The following TSPAN18 variants were observed in gnomAD, a reference collection of about 807,000 sequenced individuals.
The protein encoded by TSPAN18 is tetraspanin 18.
Under a neutral mutation model 27.3 loss-of-function variants are expected in TSPAN18, and 14 were observed. That is an observed-to-expected ratio of 0.51 (90% CI 0.34 to 0.80). TSPAN18 has a LOEUF of 0.80. Among genes scored for constraint, TSPAN18 ranks in the 30% least tolerant of loss-of-function variants. The probability of loss-of-function intolerance (pLI) is 0.01; values close to 1 mark genes in which losing one functional copy is unlikely to be tolerated. For synonymous variants in TSPAN18, 143 were observed against 136.5 expected, an observed-to-expected ratio of 1.05 and a Z score of -0.33; for missense variants, 268 against 323.9, an observed-to-expected ratio of 0.83 and a Z score of 1.32.
intron 2 of TSPAN18, among the ~76,000 whole-genome samples, chr11:44,856,142 T>C (rs1308326523): frequency 6.6e-6 from 1 of 152,106 alleles, no homozygotes; most frequent in Non-Finnish European, 1.5e-5. Flanking sequence ...CTCAGCCTCC[T>C]AAACTACTGG....
In TSPAN18 at chr11:44,931,154, AC is replaced by A; in HGVS notation, c.*1980del. 2.9e-6 allele frequency: 1 copy of A among 350,508 alleles called. No homozygotes were observed. The highest frequency in any genetic ancestry group is 7.7e-5 in the East Asian group (1 of 13,052). The allele number at this position is 350,508 out of a possible 1,614,324, so 21.7% of individuals were successfully genotyped here. ...CGCCCTTTAACAGCTTGCTCTGGCA[AC>A]CCCATAAATGACACCTGAGGTCCGT... On this transcript the variant is annotated 3_prime_UTR_variant, in exon 10 of 10. Coordinates refer to ENST00000520358, the MANE Select transcript of TSPAN18 (RefSeq NM_130783.5).
At chr11:44,922,741 A>G (rs535894313) in intron 8 of TSPAN18, among the ~76,000 whole-genome samples, 2 of 152,326 alleles carry the variant, frequency 1.3e-5, no homozygotes, top group African/African-American at 4.8e-5. Flanking sequence ...GAGGAGGGGC[A>G]GGAGGAGGTG....
chr11:44,893,450 G>A (rs1344189091), intron 3 of TSPAN18, among the ~76,000 whole-genome samples: 1 of 152,206 alleles, frequency 6.6e-6, no homozygotes, highest in African/African-American at 2.4e-5. Flanking sequence ...AGGATCTCAG[G>A]CCAATTGCTT....
At chr11:44,871,942 G>A in intron 3 of TSPAN18, among the ~76,000 whole-genome samples, 1 of 151,026 alleles carries the variant, frequency 6.6e-6, no homozygotes, top group African/African-American at 2.4e-5. Context: ...CTTTTTTTTT[G>A]AGACAGAGTC....
chr11:44,919,543 T>C, intron 7 of TSPAN18: 1 of 610,970 alleles, frequency 1.6e-6, no homozygotes, highest in Non-Finnish European at 2.9e-6. Context: ...CAATGGTCAT[T>C]ATGATGATGA....
At chr11:44,753,675 T>C (rs1565134270) in intron 1 of TSPAN18, among the ~76,000 whole-genome samples, 1 of 152,238 alleles carries the variant, frequency 6.6e-6, no homozygotes, top group East Asian at 1.9e-4. Flanking sequence ...GCATCTATTA[T>C]GTGAGCACAT....
intron 2 of TSPAN18, among the ~76,000 whole-genome samples, chr11:44,839,174 G>A (rs1857319582): frequency 6.6e-6 from 1 of 152,206 alleles, no homozygotes; most frequent in African/African-American, 2.4e-5. Flanking sequence ...ACAGTTTTCA[G>A]ACTGTACATC....
chr11:44,761,781 T>C (rs1235694967), intron 1 of TSPAN18, among the ~76,000 whole-genome samples: 1 of 152,240 alleles, frequency 6.6e-6, no homozygotes, highest in East Asian at 1.9e-4. Flanking sequence ...GTGCAGTCCC[T>C]GGAGCTCATA....
intron 2 of TSPAN18, among the ~76,000 whole-genome samples, chr11:44,790,168 T>TGTGTGTGTGTGCGC (rs1491419282): frequency 3.4e-5 from 5 of 148,402 alleles, no homozygotes; most frequent in South Asian, 4.3e-4. Flanking sequence ...TGTGTGTGCA[T>TGTGTGTGTGTGCGC]GTGTGTGTGT....
intron 3 of TSPAN18, among the ~76,000 whole-genome samples, chr11:44,885,561 G>A (rs1160604753): frequency 6.6e-6 from 1 of 152,030 alleles, no homozygotes; most frequent in Non-Finnish European, 1.5e-5. Context: ...CTCTTTCCAA[G>A]CCCAGCCCTC....
intron 2 of TSPAN18, among the ~76,000 whole-genome samples, chr11:44,853,702 A>G (rs933079104): frequency 3.3e-5 from 5 of 152,112 alleles, no homozygotes; most frequent in Non-Finnish European, 7.4e-5. Flanking sequence ...GCACCTCTCC[A>G]TCCACAGGCC....
chr11:44,919,682 C>T, intron 7 of TSPAN18, 135 bp from the exon 8 acceptor site: 1 of 851,302 alleles, frequency 1.2e-6, no homozygotes, highest in Non-Finnish European at 1.9e-6. Flanking sequence ...CATGGTCACA[C>T]AGTGGTGACA....
At chr11:44,736,053 T>C (rs1854785519) in intron 1 of TSPAN18, 2 of 152,320 alleles carry the variant, frequency 1.3e-5, no homozygotes, top group African/African-American at 4.8e-5. Flanking sequence ...GTCAAAGAAG[T>C]CAGTGCAAAA....
At chr11:44,776,845 A>G (rs1378074257) in intron 2 of TSPAN18, among the ~76,000 whole-genome samples, 1 of 152,200 alleles carries the variant, frequency 6.6e-6, no homozygotes, top group Non-Finnish European at 1.5e-5. Flanking sequence ...GAGTGTGTCT[A>G]GTTTCACCAT....
intron 1 of TSPAN18, among the ~76,000 whole-genome samples, chr11:44,747,605 G>T (rs1342713086): frequency 1.3e-5 from 2 of 152,172 alleles, no homozygotes; most frequent in East Asian, 3.8e-4. Context: ...AAAGGATGTG[G>T]TTTGAAATTG....
At chr11:44,886,212 G>A (rs1024329247) in intron 3 of TSPAN18, 1 of 152,226 alleles carries the variant, frequency 6.6e-6, no homozygotes, top group African/African-American at 2.4e-5. Context: ...CTGCACACGA[G>A]CATTATTCAG....
At chr11:44,743,433 C>G (rs1225949483) in intron 1 of TSPAN18, among the ~76,000 whole-genome samples, 1 of 152,180 alleles carries the variant, frequency 6.6e-6, no homozygotes, top group Non-Finnish European at 1.5e-5. Context: ...AGCCCTGTCT[C>G]TCTCTGGTTT....
Position 44,837,482 on chromosome 11 carries a change from C to A in TSPAN18, c.-152-22846C>A, listed in dbSNP as rs141171654. On this transcript the variant is annotated intron_variant, in intron 2 of 9. Transcript: ENST00000520358. The stretch of plus-strand genomic sequence containing the variant: ...GTTGCTTTAAACATTGTTAAAATAA[C>A]AACAGAGGATTTAGAATATTACATG... Among the ~76,000 whole-genome samples, 88 of 152,312 alleles carry A rather than the reference C, an allele frequency of 5.8e-4. 1 individual carries two copies. The highest frequency in any genetic ancestry group is 8.3e-4 in the South Asian group (4 of 4,820).
chr11:44,920,899 A>G (rs954013136), intron 8 of TSPAN18, among the ~76,000 whole-genome samples: 1 of 152,212 alleles, frequency 6.6e-6, no homozygotes, highest in Non-Finnish European at 1.5e-5. Flanking sequence ...ATCATTTCAC[A>G]TGGTCATGAT....
Sources: gnomAD v4.1 joint callset for allele counts (sites outside exome capture counted in the v4.1 genomes callset) on GRCh38, gnomAD v4.1.1 for gene constraint, MANE v1.5 for transcripts, NCBI Gene and HGNC (gene_info 2026-07-23, HGNC 2026-07-21) for gene names.